ADAMTS16: variants seen among roughly 807,000 people sequenced by gnomAD.
ADAMTS16 encodes the protein A disintegrin and metalloproteinase with thrombospondin motifs 16.
A neutral mutation model predicts 145.8 loss-of-function variants in ADAMTS16; 94 were observed. The ratio of observed to expected loss-of-function variants is 0.64; its 90% CI spans 0.55 to 0.77. ADAMTS16 has a LOEUF of 0.77. ADAMTS16 is among the 30% of genes least tolerant of loss of function. The pLI, the probability that ADAMTS16 is intolerant of heterozygous loss-of-function variation, is 0.00. For missense variants in ADAMTS16, 1,585 were observed against 1,591.5 expected, an observed-to-expected ratio of 1.00 and a Z score of 0.07; for synonymous variants, 659 against 604.3, an observed-to-expected ratio of 1.09 and a Z score of -1.33.
chr5:5,197,681 C>T (rs183050182), intron 8 of ADAMTS16, among the ~76,000 whole-genome samples: 1 of 152,198 alleles, frequency 6.6e-6, no homozygotes, highest in Admixed American at 6.5e-5. Flanking sequence ...CACATAGCAA[C>T]CTTATCTTCA....
At chr5:5,256,591 T>C (rs189177934) in intron 17 of ADAMTS16, among the ~76,000 whole-genome samples, 2 of 152,274 alleles carry the variant, frequency 1.3e-5, no homozygotes, top group Non-Finnish European at 2.9e-5. Flanking sequence ...AGAGTGAAGC[T>C]AAACAAATGT....
intron 17 of ADAMTS16, among the ~76,000 whole-genome samples, chr5:5,243,103 G>C (rs998855063): frequency 1.3e-5 from 2 of 152,172 alleles, no homozygotes; most frequent in Non-Finnish European, 2.9e-5. Context: ...GTTCTCAATA[G>C]TTGCTCTAAA....
chr5:5,187,125 G>A (rs1180698756), intron 5 of ADAMTS16, among the ~76,000 whole-genome samples: 1 of 152,220 alleles, frequency 6.6e-6, no homozygotes, highest in Admixed American at 6.5e-5. Context: ...ACGCGTGGAA[G>A]TGTTTGCCTC....
intron 18 of ADAMTS16, among the ~76,000 whole-genome samples, chr5:5,297,827 GA>G (rs1298887990): frequency 6.6e-6 from 1 of 152,238 alleles, no homozygotes; most frequent in African/African-American, 2.4e-5. Context: ...ATTTAGAGGT[GA>G]AAACAATTCA....
At position 5,220,317 on chromosome 5, in the gene ADAMTS16, G is replaced by GCA. The variant is rs1560954631; in HGVS notation, c.1606-2471_1606-2470insAC. On this transcript the variant is annotated intron_variant, in intron 10 of 22. Coordinates refer to ENST00000274181, the MANE Select transcript of ADAMTS16 (RefSeq NM_139056.4). ...TGGGACTACAGGCACCCGCCACCAC[G>GCA]CCTGGCTAATTTTTTATATTTTTAG... is the stretch of plus-strand genomic sequence containing the variant. Among the ~76,000 whole-genome samples, 3 of 150,046 alleles carry GCA rather than the reference G, an allele frequency of 2.0e-5. No homozygotes were observed. In the South Asian group the frequency reaches 6.4e-4, roughly 32 times the overall value.
At chr5:5,204,178 T>C (rs1736029935) in intron 9 of ADAMTS16, among the ~76,000 whole-genome samples, 1 of 152,132 alleles carries the variant, frequency 6.6e-6, no homozygotes, top group Non-Finnish European at 1.5e-5. Context: ...GGCCTCAGTC[T>C]TCTTAACTGA....
At chr5:5,264,206 G>A (rs1216071066) in intron 18 of ADAMTS16, among the ~76,000 whole-genome samples, 1 of 152,126 alleles carries the variant, frequency 6.6e-6, no homozygotes, top group East Asian at 1.9e-4. Context: ...AGGAATGGAA[G>A]TTCTCGCTCT....
chr5:5,189,885 C>A, intron 6 of ADAMTS16, 86 bp from the exon 7 acceptor site: 1 of 1,516,494 alleles, frequency 6.6e-7, no homozygotes, highest in South Asian at 1.2e-5. Flanking sequence ...AAATCCAGGT[C>A]AATAATAGTT....
chr5:5,221,491 G>A (rs2115013), intron 10 of ADAMTS16, among the ~76,000 whole-genome samples: 4 of 152,240 alleles, frequency 2.6e-5, no homozygotes, highest in South Asian at 2.1e-4. Context: ...CAGGGGACTC[G>A]AAAGATCATG....
chr5:5,250,105 TA>T (rs970960969), intron 17 of ADAMTS16, among the ~76,000 whole-genome samples: 2 of 152,172 alleles, frequency 1.3e-5, no homozygotes, highest in African/African-American at 4.8e-5. Context: ...GGGCACAGGA[TA>T]GGGGGCAAGG....
At chr5:5,146,017 A>T in intron 2 of ADAMTS16, 113 bp from the exon 3 acceptor site, 1 of 926,144 alleles carries the variant, frequency 1.1e-6, no homozygotes. Flanking sequence ...TTTCTTCATC[A>T]TTTTTGACTG....
chr5:5,186,066 C>G lies in ADAMTS16; in HGVS notation c.778C>G (p.Pro260Ala). 6.2e-7 allele frequency: 1 copy of G among 1,613,452 alleles called. No individual in the cohort carries two copies. The highest frequency in any genetic ancestry group is 8.5e-7 in the Non-Finnish European group (1 of 1,179,912). Reference protein sequence around the residue: ...GRRKKYMPQPPKEDLFILPDE... With the variant: ...GRRKKYMPQPAKEDLFILPDE... The stretch of plus-strand genomic sequence containing the variant: ...TCCCTCCATAGACATGCCCCAGCCT[C>G]CCAAGGAAGACCTCTTCATCTTGCC... Residue 260 changes from proline to alanine, a missense_variant, in exon 5 of 23, where the codon CCC becomes GCC. Transcript: ENST00000274181.
intron 18 of ADAMTS16, among the ~76,000 whole-genome samples, chr5:5,287,144 C>T (rs1739136533): frequency 6.6e-6 from 1 of 152,100 alleles, no homozygotes; most frequent in South Asian, 2.1e-4. Context: ...GAAGTCCTTC[C>T]TGCAGAGAAT....
chr5:5,152,557 G>A (rs1349145536), intron 3 of ADAMTS16, among the ~76,000 whole-genome samples: 8 of 152,230 alleles, frequency 5.3e-5, no homozygotes, highest in Non-Finnish European at 1.2e-4. Flanking sequence ...CTCCCCTGTA[G>A]TGCAAATGGA....
rs1018707390 is a variant in ADAMTS16, at chr5:5,168,751, A to T, written c.502-13293A>T. Among the ~76,000 whole-genome samples the T allele has an allele frequency of 1.0e-4, 14 of 138,386 alleles. No individual in the cohort carries two copies. The South Asian group carries it at 1.1e-3, about 11-fold the overall frequency. 90.8% of individuals were successfully genotyped at this position (138,386 alleles called of 152,430 possible). A position where few individuals can be genotyped will look rare whatever the true frequency, so the allele number is the denominator to read the frequency against. ...TTATATAATTATATAAAATATAATT[A>T]TATAATTATATTTTATTATATTTTA... On this transcript the variant is annotated intron_variant, in intron 3 of 22. Coordinates refer to ENST00000274181, the MANE Select transcript of ADAMTS16 (RefSeq NM_139056.4).
chr5:5,222,215 G>A (rs73735753), intron 10 of ADAMTS16, among the ~76,000 whole-genome samples: 2,610 of 152,262 alleles, frequency 0.017, 83 homozygotes, highest in African/African-American at 0.058. Context: ...AAGACCAAGA[G>A]GCAAAGAAGG....
At chr5:5,193,771 A>G (rs764313353) in intron 8 of ADAMTS16, among the ~76,000 whole-genome samples, 2 of 152,196 alleles carry the variant, frequency 1.3e-5, no homozygotes, top group Non-Finnish European at 2.9e-5. Context: ...AACAAGAAAA[A>G]AATATTTTTT....
intron 10 of ADAMTS16, among the ~76,000 whole-genome samples, 192 bp from the exon 11 acceptor site, chr5:5,222,597 A>G (rs1736639033): frequency 6.6e-6 from 1 of 152,254 alleles, no homozygotes; most frequent in African/African-American, 2.4e-5. Flanking sequence ...AAGAGATGGA[A>G]TTAATTTGAA....
At chr5:5,197,221 A>G (rs1264343561) in intron 8 of ADAMTS16, among the ~76,000 whole-genome samples, 1 of 152,236 alleles carries the variant, frequency 6.6e-6, no homozygotes, top group East Asian at 1.9e-4. Context: ...GCCTCTACAA[A>G]CACTTGGCTG....
Sources: gnomAD v4.1 joint callset for allele counts (sites outside exome capture counted in the v4.1 genomes callset) on GRCh38, gnomAD v4.1.1 for gene constraint, MANE v1.5 for transcripts, NCBI Gene and HGNC (gene_info 2026-07-23, HGNC 2026-07-21) for gene names.